SEMA3D: variants seen among roughly 807,000 people sequenced by gnomAD.
SEMA3D encodes semaphorin-3D.
Under a neutral mutation model 100.1 loss-of-function variants are expected in SEMA3D, and 84 were observed. That is an observed-to-expected ratio of 0.84 (90% CI 0.70 to 1.01). SEMA3D has a LOEUF of 1.01. Among genes scored for constraint, SEMA3D ranks in the 50% least tolerant of loss-of-function variants. The probability of loss-of-function intolerance (pLI) is 0.00; values close to 1 mark genes in which losing one functional copy is unlikely to be tolerated. For synonymous variants in SEMA3D, 312 were observed against 320.7 expected, an observed-to-expected ratio of 0.97 and a Z score of 0.29; for missense variants, 875 against 934.1, an observed-to-expected ratio of 0.94 and a Z score of 0.82.
intron 2 of SEMA3D, chr7:85,142,216 A>G (rs548596797): frequency 2.0e-6 from 2 of 982,124 alleles, no homozygotes; most frequent in Admixed American, 1.2e-4. Flanking sequence ...TTATTTAATC[A>G]AGGTTTGAGA....
chr7:85,027,381 A>T (rs1790420453), intron 12 of SEMA3D, among the ~76,000 whole-genome samples: 1 of 152,050 alleles, frequency 6.6e-6, no homozygotes, highest in African/African-American at 2.4e-5. Context: ...GCCCTACAGC[A>T]AAGAGAGGAA....
chr7:85,044,606 T>G (rs1216063842), intron 9 of SEMA3D, among the ~76,000 whole-genome samples: 2 of 152,104 alleles, frequency 1.3e-5, no homozygotes, highest in Admixed American at 1.3e-4. Context: ...TCTCACTGTT[T>G]TAAATTTTAA....
intron 1 of SEMA3D, among the ~76,000 whole-genome samples, chr7:85,177,097 A>T (rs1196556787): frequency 6.6e-6 from 1 of 152,146 alleles, no homozygotes; most frequent in Non-Finnish European, 1.5e-5. Flanking sequence ...CAATGACAAA[A>T]TTGCCTAACA....
chr7:85,005,682 T>G (rs1789776263), intron 18 of SEMA3D, among the ~76,000 whole-genome samples: 1 of 152,016 alleles, frequency 6.6e-6, no homozygotes. Context: ...AGTGAGATTT[T>G]TCTTTTACTG....
intron 2 of SEMA3D, chr7:85,151,581 G>T: frequency 1.1e-6 from 1 of 912,486 alleles, no homozygotes; most frequent in Non-Finnish European, 1.3e-6. Flanking sequence ...GTTGATGTGT[G>T]TATGCATGTG....
At chr7:85,130,996 T>G (rs1263115229) in intron 2 of SEMA3D, among the ~76,000 whole-genome samples, 1 of 152,112 alleles carries the variant, frequency 6.6e-6, no homozygotes. Flanking sequence ...ATTCCTTCGT[T>G]GTAAGGACTA....
At chr7:85,143,422 C>A (rs1169179949) in intron 2 of SEMA3D, 1 of 155,782 alleles carries the variant, frequency 6.4e-6, no homozygotes, top group African/African-American at 2.4e-5. Context: ...GCCTACTACA[C>A]ATCTAGACTA....
At chr7:85,222,466 T>G in the SEMA3D span, among the ~76,000 whole-genome samples, 1 of 152,276 alleles carries the variant, frequency 6.6e-6, no homozygotes, top group African/African-American at 2.4e-5. Context: ...TTTTCCATGT[T>G]TGTTTTGTTT....
intron 2 of SEMA3D, among the ~76,000 whole-genome samples, chr7:85,144,099 T>C (rs1048281164): frequency 1.1e-4 from 16 of 152,148 alleles, no homozygotes; most frequent in Non-Finnish European, 2.2e-4. Context: ...TAATCCAATA[T>C]ATAATCATTT....
At chr7:85,088,335 CA>C (rs980005969) in intron 4 of SEMA3D, among the ~76,000 whole-genome samples, 5 of 152,132 alleles carry the variant, frequency 3.3e-5, no homozygotes, top group Non-Finnish European at 7.3e-5. Context: ...TTAATTGACT[CA>C]AGTTAGCAAG....
intron 4 of SEMA3D, among the ~76,000 whole-genome samples, chr7:85,091,556 T>C (rs1788395238): frequency 6.6e-6 from 1 of 151,898 alleles, no homozygotes; most frequent in Non-Finnish European, 1.5e-5. Context: ...TTGTATACAT[T>C]ATTCTTGAAG....
At chr7:85,136,525 A>T (rs1789872649) in intron 2 of SEMA3D, among the ~76,000 whole-genome samples, 1 of 152,134 alleles carries the variant, frequency 6.6e-6, no homozygotes, top group African/African-American at 2.4e-5. Context: ...ACATATTAAA[A>T]AACATTTTTA....
At chr7:85,246,491 T>G in the SEMA3D span, among the ~76,000 whole-genome samples, 4 of 152,110 alleles carry the variant, frequency 2.6e-5, no homozygotes, top group East Asian at 7.7e-4. Context: ...ATGAGTGAAC[T>G]AATTGGTGAA....
chr7:85,040,890 A>G lies in SEMA3D; in HGVS notation c.977-148T>C, dbSNP rs185063296. 132 of 549,454 alleles carry G rather than the reference A, an allele frequency of 2.4e-4. No homozygotes were observed. The East Asian group carries it at 4.1e-3, about 17-fold the overall frequency. The allele number at this position is 549,454 out of a possible 1,614,324, so 34.0% of individuals were successfully genotyped here. On this transcript the variant is annotated intron_variant, in intron 10 of 18. Transcript: ENST00000284136. ...TATGCCTTGAGAAATCAAATATAAG[A>G]TTGTTTTTTCTCAATGACTATGTAT...
intron 2 of SEMA3D, among the ~76,000 whole-genome samples, chr7:85,137,843 C>T (rs1479680165): frequency 6.6e-6 from 1 of 152,252 alleles, no homozygotes; most frequent in South Asian, 2.1e-4. Context: ...ATATTCATTT[C>T]CTTCTTCCTC....
At chr7:85,020,135 T>C (rs1312668968) in intron 14 of SEMA3D, 98 bp downstream of exon 14, 1 of 756,006 alleles carries the variant, frequency 1.3e-6, no homozygotes, top group Non-Finnish European at 2.2e-6. Context: ...CAAAGGCTTC[T>C]TCAGGTAACC....
chr7:85,084,809 A>C (rs1374306420), intron 4 of SEMA3D, among the ~76,000 whole-genome samples: 2 of 152,096 alleles, frequency 1.3e-5, no homozygotes, highest in African/African-American at 2.4e-5. Flanking sequence ...TCCCCTCTCT[A>C]TATATCCATG....
In SEMA3D at chr7:85,022,379, GT is replaced by G; in HGVS notation, c.1414+11del. The G allele has an allele frequency of 6.3e-7, 1 of 1,591,424 alleles. No individual in the cohort carries two copies. Among genetic ancestry groups the G allele is most frequent in the Non-Finnish European group, 8.6e-7 (1 of 1,160,532 alleles). On this transcript the variant is annotated intron_variant, in intron 13 of 18. Transcript: ENST00000284136. ...TTCCTTTTGAAAAAATCCTAATCTAGTTTTAGCTTACCTGTTCCAAGAAACA... is the reference window on the plus strand; with the variant it reads ...TTCCTTTTGAAAAAATCCTAATCTAGTTTAGCTTACCTGTTCCAAGAAACA...
At chr7:85,163,935 TTA>T (rs1790818411) in intron 1 of SEMA3D, among the ~76,000 whole-genome samples, 1 of 152,190 alleles carries the variant, frequency 6.6e-6, no homozygotes, top group Non-Finnish European at 1.5e-5. Context: ...AATTTTCATG[TTA>T]TAAATTTTTA....
Sources: gnomAD v4.1 joint callset for allele counts (sites outside exome capture counted in the v4.1 genomes callset) on GRCh38, gnomAD v4.1.1 for gene constraint, MANE v1.5 for transcripts, NCBI Gene and HGNC (gene_info 2026-07-23, HGNC 2026-07-21) for gene names.